Variants in RALGAPA2 observed in about 807,000 individuals in gnomAD.
The protein encoded by RALGAPA2 is ral GTPase-activating protein subunit alpha-2.
A neutral mutation model predicts 230.4 loss-of-function variants in RALGAPA2; 139 were observed. The ratio of observed to expected loss-of-function variants is 0.60; its 90% confidence interval spans 0.53 to 0.69. The LOEUF (loss-of-function observed/expected upper bound fraction) is 0.69. Ranked by LOEUF, RALGAPA2 falls within the 30% of genes least tolerant of loss-of-function variation. The pLI, the probability that RALGAPA2 is intolerant of heterozygous loss-of-function variation, is 0.00. For synonymous variants in RALGAPA2, 847 were observed against 837.8 expected (o/e 1.01, Z -0.19); for missense variants, 2,163 against 2,276.0 (o/e 0.95, Z 1.01).
At chr20:20,558,033 T>C (rs2064139506) in intron 23 of RALGAPA2, among the ~76,000 whole-genome samples, 1 of 152,170 alleles carries the variant, frequency 6.6e-6, no homozygotes. Flanking sequence ...AGACTAAGTT[T>C]CATTCTTGTT....
chr20:20,478,900 A>C (rs2061711407), intron 36 of RALGAPA2, among the ~76,000 whole-genome samples: 1 of 152,156 alleles, frequency 6.6e-6, no homozygotes, highest in Non-Finnish European at 1.5e-5. Flanking sequence ...AAAAAGTCTA[A>C]TACAATTGAC....
At chr20:20,711,787 C>A (rs1049395805) in intron 1 of RALGAPA2, among the ~76,000 whole-genome samples, 3 of 152,042 alleles carry the variant, frequency 2.0e-5, no homozygotes, top group African/African-American at 7.2e-5. Context: ...AGCAGCCAGA[C>A]CCAAAATAAA....
At chr20:20,433,307 C>A (rs2122986087) in intron 37 of RALGAPA2, among the ~76,000 whole-genome samples, 2 of 152,286 alleles carry the variant, frequency 1.3e-5, no homozygotes, top group East Asian at 3.9e-4. Context: ...TATGGTTCCA[C>A]CTAGTAATTT....
intron 37 of RALGAPA2, among the ~76,000 whole-genome samples, chr20:20,457,732 G>T (rs1199271768): frequency 6.6e-6 from 1 of 152,226 alleles, no homozygotes; most frequent in African/African-American, 2.4e-5. Flanking sequence ...CTCACGCAGG[G>T]GGCACGGTGT....
At chr20:20,458,463 TTATATAA>T (rs1041488437) in intron 37 of RALGAPA2, among the ~76,000 whole-genome samples, 4 of 132,232 alleles carry the variant, frequency 3.0e-5, no homozygotes, top group South Asian at 2.2e-4. Context: ...CATATGTATT[TTATATAA>T]TATATAATAT....
Position 20,637,496 on chromosome 20 carries a change from C to T in RALGAPA2, c.672G>A (p.Ala224=), listed in dbSNP as rs199526602. 28 of 1,562,472 alleles carry T rather than the reference C, an allele frequency of 1.8e-5. No individual in the cohort carries two copies. In the African/African-American group the frequency reaches 2.3e-4, roughly 13 times the overall value. ...TCTCCTTATTCTTCCACTCCAAGCT[C>T]GCAGCCTTTGGATAATATGTGGAAA... ...ILLKYMVIQA[A]SLEWKNKENQ... The change falls in exon 8 of 40, where the codon GCG becomes GCA. Residue 224 remains alanine, a synonymous_variant. Transcript: ENST00000202677.
At chr20:20,546,180 C>T (rs986481915) in intron 24 of RALGAPA2, among the ~76,000 whole-genome samples, 1 of 152,046 alleles carries the variant, frequency 6.6e-6, no homozygotes, top group African/African-American at 2.4e-5. Context: ...TCATTTAGTC[C>T]ACTTCTAATT....
chr20:20,540,015 G>A (rs971516089), intron 24 of RALGAPA2, among the ~76,000 whole-genome samples: 16 of 152,168 alleles, frequency 1.1e-4, no homozygotes, highest in African/African-American at 3.9e-4. Flanking sequence ...TCTGTCAATA[G>A]ACATTTAAGT....
At chr20:20,658,412 C>CT (rs1391665734) in intron 3 of RALGAPA2, among the ~76,000 whole-genome samples, 1 of 152,212 alleles carries the variant, frequency 6.6e-6, no homozygotes, top group African/African-American at 2.4e-5. Flanking sequence ...CAAATACAAT[C>CT]TGGCATTTCT....
intron 23 of RALGAPA2, among the ~76,000 whole-genome samples, chr20:20,565,762 A>G (rs2064399394): frequency 6.6e-6 from 1 of 152,236 alleles, no homozygotes; most frequent in Non-Finnish European, 1.5e-5. Context: ...TAAAAATACA[A>G]AAATTAAATT....
chr20:20,426,943 C>T (rs1204539729), intron 37 of RALGAPA2, among the ~76,000 whole-genome samples: 4 of 152,244 alleles, frequency 2.6e-5, no homozygotes, highest in Non-Finnish European at 4.4e-5. Context: ...CAACTTCCTT[C>T]TGTGGTTTGT....
intron 36 of RALGAPA2, among the ~76,000 whole-genome samples, chr20:20,483,102 T>C (rs544103506): frequency 1.3e-5 from 2 of 152,232 alleles, no homozygotes; most frequent in African/African-American, 4.8e-5. Context: ...GTGGTGAGAA[T>C]TGGAAAGGCT....
intron 13 of RALGAPA2, among the ~76,000 whole-genome samples, chr20:20,613,896 T>G (rs1247123375): frequency 1.3e-5 from 2 of 152,172 alleles, no homozygotes; most frequent in Non-Finnish European, 2.9e-5. Flanking sequence ...TCTTTCCCCT[T>G]TGCAACCTTC....
At chr20:20,397,942 C>T (rs1395888010) in intron 38 of RALGAPA2, among the ~76,000 whole-genome samples, 1 of 152,188 alleles carries the variant, frequency 6.6e-6, no homozygotes, top group African/African-American at 2.4e-5. Flanking sequence ...TCCTTCTCCA[C>T]ACCTGGTTGT....
At chr20:20,514,738 C>T (rs1462664636) in intron 31 of RALGAPA2, among the ~76,000 whole-genome samples, 1 of 152,154 alleles carries the variant, frequency 6.6e-6, no homozygotes, top group Non-Finnish European at 1.5e-5. Flanking sequence ...CAGGTAGCTG[C>T]AGTGCCTGCT....
chr20:20,592,591 A>G (rs2065324549), intron 16 of RALGAPA2, among the ~76,000 whole-genome samples: 1 of 152,200 alleles, frequency 6.6e-6, no homozygotes, highest in South Asian at 2.1e-4. Context: ...AATATTTTCC[A>G]CAAATTTTAA....
In RALGAPA2 at chr20:20,432,286, G is replaced by C. The variant is rs2060518150; in HGVS notation, c.5496-20138C>G. ...TTGTGCCTGTAGTGGAGGGCTGCCA[G>C]GGCTCTCCTTTGCTGGTTATAAGGA... is the stretch of plus-strand genomic sequence containing the variant. On this transcript the variant is annotated intron_variant, in intron 37 of 39. Transcript: ENST00000202677. Among the ~76,000 whole-genome samples the C allele has an allele frequency of 1.3e-5, 2 of 152,170 alleles. 1 individual carries two copies. Among genetic ancestry groups the C allele is most frequent in the South Asian group, 4.1e-4 (2 of 4,824 alleles).
chr20:20,559,056 T>C (rs1221139486), intron 23 of RALGAPA2, among the ~76,000 whole-genome samples: 1 of 152,188 alleles, frequency 6.6e-6, no homozygotes, highest in Non-Finnish European at 1.5e-5. Flanking sequence ...TGTTCCCTTA[T>C]CAGTAAAGAG....
chr20:20,702,273 T>G (rs1376403610), intron 1 of RALGAPA2, among the ~76,000 whole-genome samples: 11 of 152,024 alleles, frequency 7.2e-5, no homozygotes, highest in Non-Finnish European at 4.4e-5. Context: ...GATGGTAGAT[T>G]AGTGTGGGTT....
Sources: gnomAD v4.1 joint callset for allele counts (sites outside exome capture counted in the v4.1 genomes callset) on GRCh38, gnomAD v4.1.1 for gene constraint, MANE v1.5 for transcripts, NCBI Gene and HGNC (gene_info 2026-07-23, HGNC 2026-07-21) for gene names.